The following PAPPA2 variants were observed in gnomAD, a reference collection of about 807,000 sequenced individuals.
PAPPA2 encodes the protein pappalysin-2.
In PAPPA2, 86 loss-of-function variants were observed where a neutral mutation model predicts 176.4. The observed-to-expected ratio is 0.49, with a 90% CI of 0.41 to 0.58. PAPPA2 has a LOEUF of 0.58. Ranked by LOEUF, PAPPA2 falls within the 20% of genes least tolerant of loss-of-function variation. PAPPA2 has a pLI of 0.00. For missense variants in PAPPA2, 2,073 were observed against 2,256.9 expected, an observed-to-expected ratio of 0.92 and a Z score of 1.65; for synonymous variants, 809 against 852.2, an observed-to-expected ratio of 0.95 and a Z score of 0.88.
At chr1:176,827,417 T>C (rs934651337) in intron 21 of PAPPA2, among the ~76,000 whole-genome samples, 3 of 152,220 alleles carry the variant, frequency 2.0e-5, no homozygotes, top group Non-Finnish European at 4.4e-5. Context: ...TTTTACCATC[T>C]GAAATGTCAG....
chr1:176,484,208 C>T (rs1422645358), intron 1 of PAPPA2, among the ~76,000 whole-genome samples: 1 of 152,192 alleles, frequency 6.6e-6, no homozygotes, highest in East Asian at 1.9e-4. Context: ...ATGTCAGATG[C>T]AGTTTCTATC....
chr1:176,652,170 G>T (rs74127217), intron 3 of PAPPA2, among the ~76,000 whole-genome samples: 2 of 151,414 alleles, frequency 1.3e-5, no homozygotes, highest in Non-Finnish European at 3.0e-5. Context: ...TTCATTTTTG[G>T]GGGCAGGGCG....
Position 176,699,095 on chromosome 1 carries a change from C to G in PAPPA2, c.2747-5C>G. 4 of 1,607,050 alleles carry G rather than the reference C, an allele frequency of 2.5e-6. No homozygotes were observed. Among genetic ancestry groups the G allele is most frequent in the Non-Finnish European group, 3.4e-6 (4 of 1,175,198 alleles). On this transcript the variant is annotated splice_region_variant and splice_polypyrimidine_tract_variant and intron_variant, in intron 7 of 22. Transcript: ENST00000367662. ...TGATGTATCTTTCTGCTAATCTCCC[C>G]CCAGGGCCTCCTGATGTGGATCAGC...
chr1:176,806,357 G>C (rs1665908988), intron 21 of PAPPA2, among the ~76,000 whole-genome samples: 1 of 152,180 alleles, frequency 6.6e-6, no homozygotes, highest in East Asian at 1.9e-4. Flanking sequence ...AGTGACACCT[G>C]CTTCTATTCC....
chr1:176,772,216 G>A (rs1350186852), intron 17 of PAPPA2, among the ~76,000 whole-genome samples: 1 of 152,160 alleles, frequency 6.6e-6, no homozygotes, highest in Non-Finnish European at 1.5e-5. Flanking sequence ...TTGCATTTAG[G>A]AAATAGTAGC....
rs568137440 is a variant in PAPPA2, at chr1:176,745,130, G to A, written c.4151+4934G>A. On this transcript the variant is annotated intron_variant, in intron 14 of 22. Transcript: ENST00000367662. ...CAAATCCACCCTCATCACATGTATT[G>A]TAATAGTAGAGCTGGATTTTTATCA... Among the ~76,000 whole-genome samples, 10 of 152,252 alleles carry A rather than the reference G, an allele frequency of 6.6e-5. 1 individual carries two copies. Among genetic ancestry groups the A allele is most frequent in the African/African-American group, 1.7e-4 (7 of 41,552 alleles).
chr1:176,676,676 T>C (rs768960262), intron 4 of PAPPA2, among the ~76,000 whole-genome samples: 1 of 151,890 alleles, frequency 6.6e-6, no homozygotes, highest in Non-Finnish European at 1.5e-5. Flanking sequence ...CAGTTCAGTA[T>C]CTTGACTGTG....
chr1:176,711,997 G>A lies in PAPPA2; in HGVS notation c.3798+16G>A, dbSNP rs754206631. The stretch of plus-strand genomic sequence containing the variant: ...TTGGCTCAAAGTAAGTGGCCCAAAT[G>A]TTTCTTTTGTGCATGTGAAAGGTGT... On this transcript the variant is annotated intron_variant, in intron 12 of 22. Coordinates refer to ENST00000367662, the MANE Select transcript of PAPPA2 (RefSeq NM_020318.3). The A allele has an allele frequency of 5.0e-6, 8 of 1,603,474 alleles. No homozygotes were observed. The highest frequency in any genetic ancestry group is 1.7e-5 in the Admixed American group (1 of 59,794).
At chr1:176,656,901 C>G (rs1019227243) in intron 3 of PAPPA2, among the ~76,000 whole-genome samples, 6 of 151,708 alleles carry the variant, frequency 4.0e-5, no homozygotes, top group African/African-American at 1.5e-4. Flanking sequence ...CTTATAAGAA[C>G]ATTGGTCATT....
intron 3 of PAPPA2, among the ~76,000 whole-genome samples, chr1:176,657,577 G>T (rs952019813): frequency 2.6e-5 from 4 of 151,962 alleles, no homozygotes; most frequent in Admixed American, 2.6e-4. Flanking sequence ...AGAACCAACA[G>T]AAATTGACAA....
intron 14 of PAPPA2, among the ~76,000 whole-genome samples, chr1:176,741,368 T>C (rs532940968): frequency 6.6e-6 from 1 of 152,162 alleles, no homozygotes; most frequent in Non-Finnish European, 1.5e-5. Context: ...CATGCTCACA[T>C]AGAAGTGCTC....
chr1:176,722,249 T>C (rs1188032372), intron 12 of PAPPA2, among the ~76,000 whole-genome samples: 1 of 152,048 alleles, frequency 6.6e-6, no homozygotes, highest in East Asian at 1.9e-4. Context: ...TCTACTATTA[T>C]ACTGATAATG....
intron 12 of PAPPA2, among the ~76,000 whole-genome samples, 177 bp downstream of exon 12, chr1:176,712,158 T>G (rs981109637): frequency 6.6e-6 from 1 of 152,162 alleles, no homozygotes; most frequent in Non-Finnish European, 1.5e-5. Flanking sequence ...GTGGACTTCT[T>G]TCTGTTAATA....
In PAPPA2 at chr1:176,794,894, C is replaced by T. The variant is rs150655042; in HGVS notation, c.5130+1225C>T. On this transcript the variant is annotated intron_variant, in intron 20 of 22. Transcript: ENST00000367662. ...GTTACGCATGGGGATCTAGACCCTT[C>T]TGGTGGGGTAAGGAGTATACTGACA... is the stretch of plus-strand genomic sequence containing the variant. 4.0e-3 allele frequency among the ~76,000 whole-genome samples: 607 copies of T among 152,300 alleles called. 2 individuals carry two copies. Among genetic ancestry groups the T allele is most frequent in the Non-Finnish European group, 7.5e-3 (508 of 68,028 alleles).
Position 176,557,208 on chromosome 1 carries a change from G to A in PAPPA2, c.886G>A (p.Glu296Lys), listed in dbSNP as rs772774279. 1 of 1,606,898 alleles carries A rather than the reference G, an allele frequency of 6.2e-7. No individual in the cohort carries two copies. The highest frequency in any genetic ancestry group is 8.5e-7 in the Non-Finnish European group (1 of 1,176,782). The change falls in exon 2 of 23, where the codon GAG (glutamate) becomes AAG (lysine). Residue 296 changes from glutamate to lysine, a missense_variant. By Grantham distance (56) the Glu-to-Lys change is moderately conservative. Around this residue, in one of 4 missense-constraint regions of PAPPA2, gnomAD observed 1,196 missense variants for 1,330.4 expected, o/e 0.90. Coordinates refer to ENST00000367662, the MANE Select transcript of PAPPA2 (RefSeq NM_020318.3). ...AFTVEAWVKP[E>K]GGQNNPAIIA... The stretch of plus-strand genomic sequence containing the variant: ...CACAGTGGAAGCCTGGGTTAAACCG[G>A]AGGGAGGACAGAACAACCCAGCCAT...
chr1:176,699,322 A>G lies in PAPPA2; in HGVS notation c.2969A>G (p.Asn990Ser). 1 of 1,614,156 alleles carries G rather than the reference A, an allele frequency of 6.2e-7. No homozygotes were observed. Among genetic ancestry groups the G allele is most frequent in the Non-Finnish European group, 8.5e-7 (1 of 1,180,018 alleles). The change falls in exon 8 of 23, where the codon AAC (asparagine) becomes AGC (serine). Residue 990 changes from asparagine (N) to serine (S), a missense_variant. Asn to Ser is a conservative substitution (Grantham distance 46, BLOSUM62 1). Around this residue, in one of 4 missense-constraint regions of PAPPA2, gnomAD observed 1,196 missense variants for 1,330.4 expected, o/e 0.90. Transcript: ENST00000367662. The part of the protein sequence containing the change: ...VLFDTEILLE[N>S]KESVHLGPLD... ...TTTGACACAGAGATCTTGCTGGAAA[A>G]CAAGGAGTCAGTGCACCTGGGCCCC...
intron 14 of PAPPA2, among the ~76,000 whole-genome samples, chr1:176,752,342 TAA>T (rs58591760): frequency 0.045 from 4,348 of 96,624 alleles, 86 homozygotes; most frequent in African/African-American, 0.12. Flanking sequence ...TAGAGTATAA[TAA>T]AAAAAAAAAA....
At chr1:176,672,668 G>T (rs1007681875) in intron 4 of PAPPA2, among the ~76,000 whole-genome samples, 10 of 152,038 alleles carry the variant, frequency 6.6e-5, no homozygotes, top group African/African-American at 2.4e-4. Flanking sequence ...ATCCAAAAGG[G>T]TTATATATAC....
rs942903920 is a variant in PAPPA2 at position 176,602,713 on chromosome 1, C to CA, written c.1991+7128dup. The stretch of plus-strand genomic sequence containing the variant: ...GAGGAGAAATTTTAAAACTAAACAG[C>CA]AAAAAAAAAACTGCCAGTTCCCTCA... On this transcript the variant is annotated intron_variant, in intron 3 of 22. Transcript: ENST00000367662. Among the ~76,000 whole-genome samples the CA allele has an allele frequency of 8.1e-3, 1,180 of 146,578 alleles. 9 individuals are homozygous for CA. The highest frequency in any genetic ancestry group is 0.023 in the African/African-American group (924 of 40,180).
Sources: allele counts gnomAD v4.1 joint callset (sites outside exome capture counted in the v4.1 genomes callset), GRCh38; gene constraint gnomAD v4.1.1; regional missense constraint gnomAD v4.1.1; transcripts MANE v1.5; gene names NCBI Gene and HGNC (gene_info 2026-07-23, HGNC 2026-07-21).